FANCC: variants seen among roughly 807,000 people sequenced by gnomAD.
The protein encoded by FANCC is FA complementation group C, also known as Fanconi anemia group C protein.
FANCC carries 55 observed loss-of-function variants against 71.3 expected under a neutral mutation model. The ratio of observed to expected loss-of-function variants is 0.77; its 90% CI spans 0.62 to 0.97. The LOEUF is 0.97. FANCC is among the 50% of genes least tolerant of loss of function. The pLI, the probability that FANCC is intolerant of heterozygous loss-of-function variation, is 0.00. For missense variants in FANCC, 678 were observed against 670.9 expected (o/e 1.01, Z -0.12); for synonymous variants, 275 against 244.9 (o/e 1.12, Z -1.15).
At chr9:95,231,745 A>G (rs544395142) in intron 4 of FANCC, among the ~76,000 whole-genome samples, 2 of 152,242 alleles carry the variant, frequency 1.3e-5, no homozygotes, top group East Asian at 3.8e-4. Context: ...GGTGCAAATC[A>G]AAGAGAGGGA....
intron 4 of FANCC, among the ~76,000 whole-genome samples, chr9:95,190,560 C>T (rs896070060): frequency 1.4e-4 from 21 of 152,158 alleles, no homozygotes; most frequent in South Asian, 6.2e-4. Context: ...TGCTACAAAC[C>T]GTGGGATCCA....
At chr9:95,172,173 A>C in intron 4 of FANCC, 26 bp from the exon 5 acceptor site, 1 of 1,475,634 alleles carries the variant, frequency 6.8e-7, no homozygotes. Flanking sequence ...AGAAAAAGTT[A>C]ACTTCTTTAA....
At chr9:95,306,451 G>GA (rs1259777798) in intron 1 of FANCC, among the ~76,000 whole-genome samples, 1 of 152,118 alleles carries the variant, frequency 6.6e-6, no homozygotes, top group East Asian at 1.9e-4. Context: ...GAAAGCCTGC[G>GA]AAAGACTTGC....
intron 1 of FANCC, among the ~76,000 whole-genome samples, chr9:95,315,613 T>C (rs1331995420): frequency 6.6e-6 from 1 of 152,220 alleles, no homozygotes; most frequent in East Asian, 1.9e-4. Flanking sequence ...ATGTATTTTT[T>C]CACATTAAGT....
chr9:95,147,248 T>G (rs10993479), intron 7 of FANCC, among the ~76,000 whole-genome samples: 33,876 of 152,144 alleles, frequency 0.22, 4,865 homozygotes, highest in Non-Finnish European at 0.32. Flanking sequence ...GCTGGCGCAG[T>G]GGCTCACGCC....
At chr9:95,139,816 A>G (rs1337394850) in intron 7 of FANCC, among the ~76,000 whole-genome samples, 1 of 147,564 alleles carries the variant, frequency 6.8e-6, no homozygotes, top group Non-Finnish European at 1.5e-5. Flanking sequence ...TGACCTGACA[A>G]AATGAATATA....
At chr9:95,209,715 T>C (rs1032313706) in intron 4 of FANCC, among the ~76,000 whole-genome samples, 10 of 152,176 alleles carry the variant, frequency 6.6e-5, no homozygotes, top group Non-Finnish European at 1.0e-4. Flanking sequence ...ACACCATCAA[T>C]ATCTATTGAT....
At chr9:95,258,532 A>C (rs1357049214) in intron 1 of FANCC, among the ~76,000 whole-genome samples, 1 of 152,230 alleles carries the variant, frequency 6.6e-6, no homozygotes, top group African/African-American at 2.4e-5. Context: ...TATTGATGGA[A>C]CGTATCTCAA....
In FANCC at chr9:95,301,231, TA is replaced by T. The variant is rs574238227; in HGVS notation, c.-79+16294del. Reference sequence around the variant, plus strand: ...AAAATTGTTAAAGTAACAGAGGAGTTAACAGTGCATGAAGAATATTCCTGAC... The same window carrying T: ...AAAATTGTTAAAGTAACAGAGGAGTTACAGTGCATGAAGAATATTCCTGAC... On this transcript the variant is annotated intron_variant, in intron 1 of 14. Transcript: ENST00000289081. Among the ~76,000 whole-genome samples the T allele has an allele frequency of 2.3e-4, 34 of 150,992 alleles. No homozygotes were observed. The East Asian group carries it at 6.2e-3, about 28-fold the overall frequency.
In FANCC at chr9:95,149,482, A is replaced by AT. The variant is rs59214891; in HGVS notation, c.686+440dup. On this transcript the variant is annotated intron_variant, in intron 7 of 14. Coordinates refer to ENST00000289081, the MANE Select transcript of FANCC (RefSeq NM_000136.3). ...ATAAAATGTTTTGGGATCCTCAGTA[A>AT]TTTTTTTTTTTTTTGAGATGGAGTC... Among the ~76,000 whole-genome samples the AT allele has an allele frequency of 6.2e-3, 912 of 146,564 alleles. 15 individuals are homozygous for AT. Among genetic ancestry groups the AT allele is most frequent in the South Asian group, 0.051 (238 of 4,628 alleles).
chr9:95,292,606 GC>G, intron 1 of FANCC: 1 of 1,463,206 alleles, frequency 6.8e-7, no homozygotes, highest in South Asian at 1.1e-5. Context: ...GTGCGCGGCT[GC>G]CGCAAGATCC....
rs781445050 is a variant in FANCC, at chr9:95,101,822, T to G, written c.1562A>C (p.Glu521Ala). The G allele has an allele frequency of 6.2e-7, 1 of 1,613,896 alleles. No homozygotes were observed. Among genetic ancestry groups the G allele is most frequent in the Non-Finnish European group, 8.5e-7 (1 of 1,180,000 alleles). The change falls in exon 15 of 15, where the codon GAG becomes GCG. Residue 521 changes from glutamate (E) to alanine (A), a missense_variant. By Grantham distance (107) the Glu-to-Ala change is moderately radical (BLOSUM62 -1). Transcript: ENST00000289081. ...GGTCTGGTCAAGAAAGCCAATGATC[T>G]CGTGAGTTATCTCAGCAGTGTGAGC... ...LMAHTAEITH[E>A]IIGFLDQTLY...
intron 1 of FANCC, among the ~76,000 whole-genome samples, chr9:95,251,069 T>C (rs1389383671): frequency 6.6e-6 from 1 of 152,208 alleles, no homozygotes; most frequent in Non-Finnish European, 1.5e-5. Context: ...ATCTGCTTCA[T>C]GCACACAACA....
chr9:95,140,670 G>A (rs1185640645), intron 7 of FANCC, among the ~76,000 whole-genome samples: 2 of 152,136 alleles, frequency 1.3e-5, no homozygotes, highest in Non-Finnish European at 2.9e-5. Context: ...AAGAGATCAA[G>A]GCTGTTTGGG....
chr9:95,130,229 C>G (rs145448724), intron 8 of FANCC, among the ~76,000 whole-genome samples: 17 of 151,440 alleles, frequency 1.1e-4, no homozygotes, highest in African/African-American at 2.2e-4. Flanking sequence ...GGCCTGAGAA[C>G]AAGAAGAACA....
At chr9:95,307,428 T>C (rs1835130477) in intron 1 of FANCC, among the ~76,000 whole-genome samples, 1 of 152,214 alleles carries the variant, frequency 6.6e-6, no homozygotes, top group Non-Finnish European at 1.5e-5. Context: ...TACAGTATCT[T>C]ACTGCTCAAG....
chr9:95,132,686 T>A (rs2135114328), intron 8 of FANCC, among the ~76,000 whole-genome samples: 1 of 152,302 alleles, frequency 6.6e-6, no homozygotes, highest in African/African-American at 2.4e-5. Flanking sequence ...TTATTTTAGA[T>A]GTTAAATACA....
intron 4 of FANCC, among the ~76,000 whole-genome samples, chr9:95,211,107 A>AT (rs1273347285): frequency 6.6e-6 from 1 of 152,204 alleles, no homozygotes; most frequent in Non-Finnish European, 1.5e-5. Flanking sequence ...ACTGAACAAA[A>AT]TATCTTCAGA....
intron 4 of FANCC, among the ~76,000 whole-genome samples, chr9:95,214,213 A>G (rs1161895990): frequency 1.3e-5 from 2 of 152,202 alleles, no homozygotes; most frequent in African/African-American, 4.8e-5. Flanking sequence ...GGACTGCTTA[A>G]AGCCATGAGT....
Sources: allele counts gnomAD v4.1 joint callset (sites outside exome capture counted in the v4.1 genomes callset), GRCh38; gene constraint gnomAD v4.1.1; transcripts MANE v1.5; gene names NCBI Gene and HGNC (gene_info 2026-07-23, HGNC 2026-07-21).